KIAA1217: variants seen among roughly 807,000 people sequenced by gnomAD.
KIAA1217 encodes KIAA1217.
Under a neutral mutation model 163.9 loss-of-function variants are expected in KIAA1217, and 88 were observed. The observed-to-expected ratio is 0.54, with a 90% CI of 0.45 to 0.64. KIAA1217 has a LOEUF of 0.64. Among genes scored for constraint, KIAA1217 ranks in the 30% least tolerant of loss-of-function variants. KIAA1217 has a pLI of 0.00. For synonymous variants in KIAA1217, 903 were observed against 923.1 expected, an observed-to-expected ratio of 0.98 and a Z score of 0.39; for missense variants, 2,372 against 2,475.0, an observed-to-expected ratio of 0.96 and a Z score of 0.88.
intron 2 of KIAA1217, among the ~76,000 whole-genome samples, chr10:24,181,791 G>T (rs996530777): frequency 6.6e-6 from 1 of 151,902 alleles, no homozygotes; most frequent in African/African-American, 2.4e-5. Flanking sequence ...GAGAGAAAGG[G>T]AAGTGTCAAG....
chr10:24,461,599 G>A (rs1391382306), intron 5 of KIAA1217, among the ~76,000 whole-genome samples: 7 of 152,104 alleles, frequency 4.6e-5, no homozygotes, highest in East Asian at 1.9e-4. Context: ...CAGGTGATCC[G>A]CCCACCTTGG....
Position 24,473,414 on chromosome 10 carries a change from A to G in KIAA1217, c.1033A>G (p.Thr345Ala). The G allele has an allele frequency of 6.2e-7, 1 of 1,613,786 alleles. No homozygotes were observed. The highest frequency in any genetic ancestry group is 2.2e-5 in the East Asian group (1 of 44,834). Residue 345 changes from threonine (T) to alanine (A), a missense_variant, in exon 6 of 21, where the codon ACC becomes GCC. Thr to Ala is a moderately conservative substitution (Grantham distance 58). Coordinates refer to ENST00000376454, the MANE Select transcript of KIAA1217 (RefSeq NM_019590.5). ...TRSMVVPGNA[T>A]IPRDRISSLP... Reference sequence around the variant, plus strand: ...CTCCATGGTTGTTCCTGGCAATGCCACCATCCCCAGGGACAGAATCTCCAG... The same window carrying G: ...CTCCATGGTTGTTCCTGGCAATGCCGCCATCCCCAGGGACAGAATCTCCAG...
chr10:24,419,465 G>C (rs1410259866), intron 3 of KIAA1217, among the ~76,000 whole-genome samples: 1 of 152,166 alleles, frequency 6.6e-6, no homozygotes, highest in Non-Finnish European at 1.5e-5. Flanking sequence ...GTACAGTGGT[G>C]AAGACAATTA....
chr10:24,473,887 C>T lies in KIAA1217; in HGVS notation c.1506C>T (p.Asp502=), dbSNP rs762510500. The T allele has an allele frequency of 2.5e-6, 4 of 1,614,180 alleles. No homozygotes were observed. The highest frequency in any genetic ancestry group is 3.4e-6 in the Non-Finnish European group (4 of 1,180,046). The change falls in exon 6 of 21, where the codon GAC becomes GAT. Residue 502 remains aspartate (D), a synonymous_variant. Coordinates refer to ENST00000376454, the MANE Select transcript of KIAA1217 (RefSeq NM_019590.5). The stretch of plus-strand genomic sequence containing the variant: ...GCCCCCCTCACACCATGCAGCCAGA[C>T]CGGGCCTCTCCGAGCCGCCAGGCCT... The part of the protein sequence containing the change: ...AHGPPHTMQP[D]RASPSRQAFK...
chr10:23,791,149 A>G (rs542335127), intron 1 of KIAA1217, among the ~76,000 whole-genome samples: 10 of 152,294 alleles, frequency 6.6e-5, no homozygotes, highest in Admixed American at 6.5e-5. Context: ...AATTCTGTTA[A>G]TTTGGTTTAT....
chr10:23,766,521 T>G (rs2130869406), intron 1 of KIAA1217, among the ~76,000 whole-genome samples: 1 of 152,294 alleles, frequency 6.6e-6, no homozygotes, highest in East Asian at 1.9e-4. Flanking sequence ...GTTAGTTGAT[T>G]CTCTGGGAAC....
chr10:24,113,481 G>A (rs531177402), intron 2 of KIAA1217, among the ~76,000 whole-genome samples: 1 of 152,186 alleles, frequency 6.6e-6, no homozygotes, highest in Non-Finnish European at 1.5e-5. Context: ...TCCTGCAAGA[G>A]TGTCTTTAAT....
chr10:24,149,904 A>C (rs889970840), intron 2 of KIAA1217, among the ~76,000 whole-genome samples: 2 of 152,366 alleles, frequency 1.3e-5, no homozygotes, highest in Non-Finnish European at 2.9e-5. Flanking sequence ...TTTAAAAAAC[A>C]AAAGGAGCAA....
At position 23,936,358 on chromosome 10, in the gene KIAA1217, A is replaced by T. The variant is rs1360101552; in HGVS notation, c.-320-70867A>T. On this transcript the variant is annotated intron_variant, in intron 1 of 18. Coordinates refer to the KIAA1217 transcript ENST00000376462. ...CATACTACCTGTACTGGGTTATATT[A>T]CATTACCCCCCGGCCCCAACAAGAG... 9.2e-5 allele frequency among the ~76,000 whole-genome samples: 14 copies of T among 152,302 alleles called. No homozygotes were observed. In the East Asian group the frequency reaches 2.7e-3, roughly 29 times the overall value.
intron 2 of KIAA1217, among the ~76,000 whole-genome samples, chr10:24,129,666 G>A (rs1030068424): frequency 7.9e-5 from 12 of 151,940 alleles, no homozygotes; most frequent in African/African-American, 2.9e-4. Context: ...GTTATCTCTT[G>A]TCCTATATCT....
At chr10:23,817,825 C>T (rs1030570644) in intron 1 of KIAA1217, among the ~76,000 whole-genome samples, 1 of 151,018 alleles carries the variant, frequency 6.6e-6, no homozygotes, top group Non-Finnish European at 1.5e-5. Flanking sequence ...TGTGGTGGCT[C>T]ATACTTGTAA....
intron 2 of KIAA1217, among the ~76,000 whole-genome samples, chr10:24,320,504 T>C (rs1163394880): frequency 1.3e-5 from 2 of 152,222 alleles, no homozygotes; most frequent in African/African-American, 4.8e-5. Context: ...TAGAGTATTA[T>C]TTATCTTCAG....
At chr10:24,315,494 T>C (rs2133151108) in intron 2 of KIAA1217, among the ~76,000 whole-genome samples, 1 of 152,330 alleles carries the variant, frequency 6.6e-6, no homozygotes, top group South Asian at 2.1e-4. Flanking sequence ...CTCAGTCCTG[T>C]GTCCACGAAG....
At chr10:23,993,632 T>G (rs1013060839) in intron 1 of KIAA1217, among the ~76,000 whole-genome samples, 5 of 146,016 alleles carry the variant, frequency 3.4e-5, no homozygotes, top group African/African-American at 1.3e-4. Context: ...CTCAGCTCAC[T>G]GCAACCTTCG....
chr10:24,258,888 C>T (rs35293582), intron 2 of KIAA1217, among the ~76,000 whole-genome samples: 41,401 of 152,056 alleles, frequency 0.27, 6,335 homozygotes, highest in Non-Finnish European at 0.35. Context: ...CCACCGCGCC[C>T]GGCCGGCTTA....
intron 2 of KIAA1217, among the ~76,000 whole-genome samples, chr10:24,009,474 T>C (rs1847151428): frequency 6.6e-6 from 1 of 152,132 alleles, no homozygotes; most frequent in Admixed American, 6.6e-5. Flanking sequence ...TGTTTCAAAT[T>C]ATAGCACTAA....
intron 1 of KIAA1217, among the ~76,000 whole-genome samples, chr10:23,828,254 G>C (rs1166557627): frequency 1.3e-5 from 2 of 152,128 alleles, no homozygotes; most frequent in Non-Finnish European, 2.9e-5. Context: ...AATTGTGCCA[G>C]TGTCCCTGGG....
At chr10:24,165,577 G>A (rs1033901787) in intron 2 of KIAA1217, among the ~76,000 whole-genome samples, 12 of 152,090 alleles carry the variant, frequency 7.9e-5, no homozygotes, top group Non-Finnish European at 1.5e-4. Context: ...CTGAGCCATC[G>A]CCCAGCCTGC....
chr10:24,205,503 G>A (rs2067505168), upstream of KIAA1217, among the ~76,000 whole-genome samples: 1 of 151,684 alleles, frequency 6.6e-6, no homozygotes, highest in Admixed American at 6.6e-5. Context: ...GCCGGGCGCG[G>A]TGGCTCATGC....
Sources: allele counts gnomAD v4.1 joint callset (sites outside exome capture counted in the v4.1 genomes callset), GRCh38; gene constraint gnomAD v4.1.1; transcripts MANE v1.5; gene names NCBI Gene and HGNC (gene_info 2026-07-23, HGNC 2026-07-21).